Variants in THSD7B observed in about 807,000 individuals in gnomAD.
THSD7B encodes the protein thrombospondin type 1 domain containing 7B.
THSD7B carries 138 observed loss-of-function variants against 213.6 expected under a neutral mutation model. The ratio of observed to expected loss-of-function variants is 0.65; its 90% CI spans 0.56 to 0.74. The LOEUF is 0.74. THSD7B is among the 30% of genes least tolerant of loss of function. The probability of loss-of-function intolerance (pLI) is 0.00; values close to 1 mark genes in which losing one functional copy is unlikely to be tolerated. For missense variants in THSD7B, 1,931 were observed against 1,991.5 expected (o/e 0.97, Z 0.58); for synonymous variants, 742 against 687.0 (o/e 1.08, Z -1.25).
chr2:137,504,781 G>A (rs193273171), intron 15 of THSD7B, among the ~76,000 whole-genome samples: 4 of 152,302 alleles, frequency 2.6e-5, no homozygotes, highest in East Asian at 3.9e-4. Context: ...AGTTTCTGCA[G>A]ATCAGGAAAG....
chr2:137,217,833 T>C (rs736111), intron 7 of THSD7B, among the ~76,000 whole-genome samples: 90,727 of 151,902 alleles, frequency 0.6, 27,515 homozygotes, highest in South Asian at 0.71. Flanking sequence ...ATCATTTTCT[T>C]TGGCCAAGGA....
intron 7 of THSD7B, among the ~76,000 whole-genome samples, chr2:137,192,857 C>A (rs1680686415): frequency 6.6e-6 from 1 of 152,240 alleles, no homozygotes; most frequent in South Asian, 2.1e-4. Flanking sequence ...GATGAGGAGC[C>A]ATAGGAAATG....
intron 7 of THSD7B, among the ~76,000 whole-genome samples, chr2:137,178,946 TC>T (rs1680406236): frequency 6.6e-6 from 1 of 152,198 alleles, no homozygotes; most frequent in Admixed American, 6.5e-5. Flanking sequence ...ATCTGTTTTT[TC>T]CAGACTTTAA....
intron 12 of THSD7B, among the ~76,000 whole-genome samples, chr2:137,404,713 G>A (rs762950747): frequency 3.8e-4 from 57 of 151,652 alleles, no homozygotes; most frequent in Non-Finnish European, 5.4e-4. Context: ...CAGTGACCTG[G>A]ATGAGATTAG....
intron 14 of THSD7B, among the ~76,000 whole-genome samples, chr2:137,446,220 T>C (rs1687535522): frequency 2.6e-5 from 4 of 151,986 alleles, no homozygotes; most frequent in African/African-American, 9.7e-5. Flanking sequence ...CAAAACTAGA[T>C]CTTAACAGGA....
chr2:137,440,808 A>G (rs1687392676), intron 14 of THSD7B, among the ~76,000 whole-genome samples: 1 of 152,154 alleles, frequency 6.6e-6, no homozygotes, highest in Admixed American at 6.6e-5. Context: ...GGCTGGATTC[A>G]GGTCAGAGTT....
chr2:136,796,418 G>A (rs1001851694), intron 1 of THSD7B, among the ~76,000 whole-genome samples: 11 of 151,842 alleles, frequency 7.2e-5, no homozygotes, highest in African/African-American at 1.9e-4. Flanking sequence ...GCTGGCGACC[G>A]TGGAATTTTA....
At chr2:137,126,910 G>C (rs1207727459) in intron 5 of THSD7B, among the ~76,000 whole-genome samples, 1 of 152,154 alleles carries the variant, frequency 6.6e-6, no homozygotes, top group East Asian at 1.9e-4. Flanking sequence ...GAAAGAGAGA[G>C]AGATGGGGGA....
chr2:137,246,566 A>C (rs1314676863), intron 10 of THSD7B, among the ~76,000 whole-genome samples: 1 of 152,094 alleles, frequency 6.6e-6, no homozygotes, highest in African/African-American at 2.4e-5. Context: ...ACATAAAGGT[A>C]TTTTCAAGCC....
chr2:136,857,635 A>T (rs1412170610), intron 1 of THSD7B, among the ~76,000 whole-genome samples: 11 of 152,156 alleles, frequency 7.2e-5, no homozygotes, highest in Admixed American at 6.5e-4. Context: ...AAACACACAC[A>T]CACGAATGAA....
intron 7 of THSD7B, among the ~76,000 whole-genome samples, chr2:137,191,099 CAG>C (rs1048102816): frequency 1.2e-4 from 19 of 152,210 alleles, no homozygotes; most frequent in African/African-American, 4.6e-4. Flanking sequence ...GGGCCTCTGG[CAG>C]AGTCTGCTGT....
At chr2:137,403,311 G>A (rs1209018155) in intron 12 of THSD7B, among the ~76,000 whole-genome samples, 1 of 152,136 alleles carries the variant, frequency 6.6e-6, no homozygotes, top group Non-Finnish European at 1.5e-5. Flanking sequence ...TAGATTTATG[G>A]TGTTCAGACA....
intron 21 of THSD7B, among the ~76,000 whole-genome samples, chr2:137,654,383 T>C (rs79610836): frequency 0.016 from 2,440 of 152,254 alleles, 59 homozygotes; most frequent in African/African-American, 0.054. Flanking sequence ...AGCTGGAGGA[T>C]AGTAGTCATC....
chr2:137,152,794 C>T (rs1679843410), intron 5 of THSD7B, among the ~76,000 whole-genome samples: 1 of 152,054 alleles, frequency 6.6e-6, no homozygotes, highest in South Asian at 2.1e-4. Context: ...CTTTTGAAAG[C>T]TCCCCTTCCC....
chr2:137,161,003 G>C (rs747510298), intron 6 of THSD7B, among the ~76,000 whole-genome samples: 1 of 152,026 alleles, frequency 6.6e-6, no homozygotes, highest in African/African-American at 2.4e-5. Context: ...GAAATGTTTC[G>C]CAAATCTATA....
At chr2:137,235,012 T>C (rs550186392) in intron 9 of THSD7B, among the ~76,000 whole-genome samples, 1 of 152,280 alleles carries the variant, frequency 6.6e-6, no homozygotes, top group African/African-American at 2.4e-5. Flanking sequence ...GCACATGGAT[T>C]GATTGGACCA....
chr2:137,313,577 A>T (rs1175358287), intron 12 of THSD7B, among the ~76,000 whole-genome samples: 2 of 150,830 alleles, frequency 1.3e-5, no homozygotes, highest in African/African-American at 4.9e-5. Flanking sequence ...TTTGCTCATT[A>T]GTTGATGCAG....
chr2:137,255,759 G>A (rs1032375838), intron 10 of THSD7B, among the ~76,000 whole-genome samples: 12 of 152,022 alleles, frequency 7.9e-5, no homozygotes, highest in African/African-American at 2.4e-4. Context: ...CACCTGATGG[G>A]GTGCAATGAT....
chr2:137,293,556 A>G (rs945227393), intron 12 of THSD7B, among the ~76,000 whole-genome samples: 4 of 151,658 alleles, frequency 2.6e-5, no homozygotes, highest in Non-Finnish European at 5.9e-5. Context: ...TGCTAAGTTA[A>G]CCAGAATTGG....
Sources: allele counts gnomAD v4.1 joint callset (sites outside exome capture counted in the v4.1 genomes callset), GRCh38; gene constraint gnomAD v4.1.1; transcripts MANE v1.5; gene names NCBI Gene and HGNC (gene_info 2026-07-23, HGNC 2026-07-21).